Variants in EPHX2 observed in about 807,000 individuals in gnomAD.
The protein encoded by EPHX2 is epoxide hydrolase 2.
Under a neutral mutation model 78.7 loss-of-function variants are expected in EPHX2, and 74 were observed. The ratio of observed to expected loss-of-function variants is 0.94; its 90% CI spans 0.78 to 1.14. The LOEUF (loss-of-function observed/expected upper bound fraction) is 1.14. Among genes scored for constraint, EPHX2 ranks in the 50% most tolerant of loss-of-function variants. The pLI, the probability that EPHX2 is intolerant of heterozygous loss-of-function variation, is 0.00. For missense variants in EPHX2, 715 were observed against 702.5 expected (o/e 1.02, Z -0.20); for synonymous variants, 251 against 255.2 (o/e 0.98, Z 0.16).
chr8:27,533,108 C>T (rs1258253225), intron 12 of EPHX2, among the ~76,000 whole-genome samples: 2 of 152,114 alleles, frequency 1.3e-5, no homozygotes, highest in Non-Finnish European at 2.9e-5. Flanking sequence ...GAGCAAGACC[C>T]TGTCTCTAAA....
In EPHX2 at chr8:27,521,034, G is replaced by A. The variant is rs1814626771; in HGVS notation, c.972+125G>A. ...AGGGCCCATTTTGGGGCAGTTTAGG[G>A]CAGAGTGGGCATGGGCAGGGAAAAT... On this transcript the variant is annotated intron_variant, in intron 10 of 18. Transcript: ENST00000521400. 11 of 1,074,976 alleles carry A rather than the reference G, an allele frequency of 1.0e-5. No individual in the cohort carries two copies. The South Asian group carries it at 1.4e-4, about 14-fold the overall frequency. 66.6% of individuals were successfully genotyped at this position (1,074,976 alleles called of 1,614,324 possible).
Position 27,542,880 on chromosome 8 carries a change from G to A in EPHX2, c.1450-869G>A, listed in dbSNP as rs549309798. On this transcript the variant is annotated intron_variant, in intron 16 of 18. Transcript: ENST00000521400. ...TGGTCTCAAACTCCTGAGCTCAGGC[G>A]ATCCACCCACCTCGGCCTCCCAAAG... Among the ~76,000 whole-genome samples, 321 of 152,064 alleles carry A rather than the reference G, an allele frequency of 2.1e-3. 2 individuals carry two copies. Among genetic ancestry groups the A allele is most frequent in the African/African-American group, 5.8e-3 (242 of 41,482 alleles).
At chr8:27,526,541 G>A (rs1386652389) in intron 12 of EPHX2, among the ~76,000 whole-genome samples, 1 of 152,048 alleles carries the variant, frequency 6.6e-6, no homozygotes, top group Non-Finnish European at 1.5e-5. Context: ...GTGGTGTAGA[G>A]GGCGTATTAC....
chr8:27,544,568 T>C lies in EPHX2; in HGVS notation c.*46T>C, dbSNP rs532790832. 6.3e-7 allele frequency: 1 copy of C among 1,595,910 alleles called. No homozygotes were observed. Among genetic ancestry groups the C allele is most frequent in the South Asian group, 1.1e-5 (1 of 90,630 alleles). On this transcript the variant is annotated 3_prime_UTR_variant, in exon 19 of 19. Transcript: ENST00000521400. ...TCAGCAGGTGTGCCATCCTTCCACCTGCTGGGGCACCATTCTTAGTATACA... is the reference window on the plus strand; with the variant it reads ...TCAGCAGGTGTGCCATCCTTCCACCCGCTGGGGCACCATTCTTAGTATACA...
At chr8:27,523,669 T>C (rs535803535) in intron 11 of EPHX2, among the ~76,000 whole-genome samples, 8 of 152,176 alleles carry the variant, frequency 5.3e-5, no homozygotes, top group Non-Finnish European at 1.2e-4. Flanking sequence ...ATTGTTAAAG[T>C]TTTCATGGTA....
At chr8:27,508,001 T>C (rs1263952954) in intron 5 of EPHX2, among the ~76,000 whole-genome samples, 2 of 152,156 alleles carry the variant, frequency 1.3e-5, no homozygotes, top group African/African-American at 4.8e-5. Flanking sequence ...AGTCACATTC[T>C]AAAGTATTGG....
Position 27,515,787 on chromosome 8 carries a change from G to T in EPHX2, c.805G>T (p.Glu269Ter), listed in dbSNP as rs754312469. The T allele has an allele frequency of 6.2e-7, 1 of 1,614,034 alleles. No individual in the cohort carries two copies. The highest frequency in any genetic ancestry group is 8.5e-7 in the Non-Finnish European group (1 of 1,180,010). Residue 269 changes from glutamate to a stop codon, truncating the protein, a stop_gained, in exon 7 of 19, where the codon GAG becomes TAG. Coordinates refer to ENST00000521400, the MANE Select transcript of EPHX2 (RefSeq NM_001979.6). LOFTEE classifies it high-confidence loss of function. ...TGTGTGCCTCTGCCATGGATTTCCCGAGAGTTGGTATTCTTGGAGGTACCA... is the reference window on the plus strand; with the variant it reads ...TGTGTGCCTCTGCCATGGATTTCCCTAGAGTTGGTATTCTTGGAGGTACCA... Reference protein sequence around the residue: ...PAVCLCHGFPESWYSWRYQIP... With the variant: ...PAVCLCHGFP
chr8:27,543,889 C>G, intron 17 of EPHX2, 60 bp downstream of exon 17: 1 of 1,564,254 alleles, frequency 6.4e-7, no homozygotes, highest in Non-Finnish European at 8.8e-7. Context: ...CACGGGTGCT[C>G]AGAGGGAAGA....
intron 4 of EPHX2, among the ~76,000 whole-genome samples, chr8:27,505,670 C>G (rs1813978959): frequency 6.6e-6 from 1 of 152,156 alleles, no homozygotes; most frequent in Admixed American, 6.5e-5. Context: ...ATTTCCAACC[C>G]CCCACCTCCC....
chr8:27,525,817 A>C (rs1019556510), intron 12 of EPHX2, among the ~76,000 whole-genome samples: 4 of 152,198 alleles, frequency 2.6e-5, no homozygotes, highest in Non-Finnish European at 5.9e-5. Context: ...TTATGGCACC[A>C]GGGTCTAAGA....
chr8:27,524,370 T>C (rs1017320497), intron 11 of EPHX2, among the ~76,000 whole-genome samples: 2 of 152,094 alleles, frequency 1.3e-5, no homozygotes, highest in Non-Finnish European at 2.9e-5. Context: ...CTTCCTGACC[T>C]CTCTCTCTGT....
At chr8:27,522,960 T>TC (rs1217436137) in intron 11 of EPHX2, among the ~76,000 whole-genome samples, 140 of 104,476 alleles carry the variant, frequency 1.3e-3, no homozygotes, top group African/African-American at 5.4e-3. Flanking sequence ...AAACTCCGTT[T>TC]CCAAAAAAAA....
chr8:27,519,212 C>T (rs1425037190), intron 9 of EPHX2, among the ~76,000 whole-genome samples: 5 of 152,216 alleles, frequency 3.3e-5, no homozygotes, highest in Non-Finnish European at 7.3e-5. Context: ...TGGAGACAAC[C>T]CACATGTCCA....
At chr8:27,527,167 C>G (rs1049639302) in intron 12 of EPHX2, among the ~76,000 whole-genome samples, 1 of 152,076 alleles carries the variant, frequency 6.6e-6, no homozygotes, top group South Asian at 2.1e-4. Flanking sequence ...CCATATTGGC[C>G]AGACTGGTCT....
intron 6 of EPHX2, 184 bp downstream of exon 6, chr8:27,512,094 T>A: frequency 2.1e-5 from 7 of 337,378 alleles, no homozygotes; most frequent in Middle Eastern, 7.6e-4. Flanking sequence ...TGAAACCCTG[T>A]CTCAAGAAAA....
At chr8:27,506,012 A>C (rs1347535414) in intron 4 of EPHX2, among the ~76,000 whole-genome samples, 1 of 151,970 alleles carries the variant, frequency 6.6e-6, no homozygotes, top group Non-Finnish European at 1.5e-5. Flanking sequence ...TCTTAGAGAC[A>C]GAGCCTCACT....
intron 4 of EPHX2, among the ~76,000 whole-genome samples, chr8:27,506,029 C>T (rs1813993192): frequency 1.3e-5 from 2 of 152,148 alleles, no homozygotes; most frequent in Non-Finnish European, 2.9e-5. Context: ...CACTCTGTCA[C>T]CTAGGCTAGA....
chr8:27,494,683 C>G (rs1212444796), intron 1 of EPHX2, among the ~76,000 whole-genome samples: 1 of 152,216 alleles, frequency 6.6e-6, no homozygotes, highest in African/African-American at 2.4e-5. Context: ...TTTGGCACAC[C>G]TCACAGGCTT....
intron 9 of EPHX2, 42 bp from the exon 10 acceptor site, chr8:27,520,841 G>C: frequency 1.2e-6 from 2 of 1,613,982 alleles, no homozygotes; most frequent in Non-Finnish European, 1.7e-6. Flanking sequence ...GAGGCAGGCG[G>C]GTGTGGTTGC....
Sources: allele counts gnomAD v4.1 joint callset (sites outside exome capture counted in the v4.1 genomes callset), GRCh38; gene constraint gnomAD v4.1.1; transcripts MANE v1.5; gene names NCBI Gene and HGNC (gene_info 2026-07-23, HGNC 2026-07-21).